Variants in ADRA1B observed in about 807,000 individuals in gnomAD.
ADRA1B encodes the protein adrenoceptor alpha 1B, also known as alpha-1B adrenergic receptor.
A neutral mutation model predicts 17.9 loss-of-function variants in ADRA1B; 17 were observed. The ratio of observed to expected loss-of-function variants is 0.95; its 90% confidence interval spans 0.65 to 1.42. ADRA1B has a LOEUF of 1.42. ADRA1B is among the 40% of genes most tolerant of loss of function. ADRA1B has a pLI of 0.00. For missense variants in ADRA1B, 681 were observed against 722.1 expected (o/e 0.94, Z 0.65); for synonymous variants, 366 against 327.6 (o/e 1.12, Z -1.27).
intron 1 of ADRA1B, among the ~76,000 whole-genome samples, chr5:159,898,233 C>T (rs1278228062): frequency 6.6e-6 from 1 of 152,194 alleles, no homozygotes; most frequent in Non-Finnish European, 1.5e-5. Flanking sequence ...TGCTCTTAAC[C>T]CCTGCTGCCC....
Position 159,877,149 on chromosome 5 carries a change from C to A in ADRA1B, c.-256+11943C>A, listed in dbSNP as rs1180120465. ...TCAGTTCATAAATCAAGGCTTGTTG[C>A]CTGCCCCTTTTCGCCTTCTCAGAGC... On this transcript the variant is annotated intron_variant, in intron 1 of 2. Coordinates refer to the ADRA1B transcript ENST00000641205. 4.6e-5 allele frequency among the ~76,000 whole-genome samples: 7 copies of A among 152,162 alleles called. No individual in the cohort carries two copies. In the East Asian group the frequency reaches 1.3e-3, roughly 29 times the overall value.
At chr5:159,920,574 C>T (rs984085462) in intron 1 of ADRA1B, among the ~76,000 whole-genome samples, 2 of 152,110 alleles carry the variant, frequency 1.3e-5, no homozygotes, top group African/African-American at 2.4e-5. Flanking sequence ...GTCCCTGAGC[C>T]GACCCCATCA....
At chr5:159,958,431 A>G (rs1265446876) in intron 1 of ADRA1B, among the ~76,000 whole-genome samples, 2 of 152,150 alleles carry the variant, frequency 1.3e-5, no homozygotes, top group Non-Finnish European at 2.9e-5. Flanking sequence ...CTTTTTCTGC[A>G]CTTCCTGCCC....
At chr5:159,918,781 C>A (rs572387441) in intron 1 of ADRA1B, among the ~76,000 whole-genome samples, 1 of 152,338 alleles carries the variant, frequency 6.6e-6, no homozygotes, top group East Asian at 1.9e-4. Context: ...TAAAGGGGGG[C>A]ATCTGTCACA....
chr5:159,942,402 A>G (rs1319723059), intron 1 of ADRA1B, among the ~76,000 whole-genome samples: 3 of 152,258 alleles, frequency 2.0e-5, no homozygotes, highest in Non-Finnish European at 4.4e-5. Flanking sequence ...CTAATTGGGA[A>G]ACAACCTAAA....
chr5:159,971,816 G>A (rs1024296979), intron 1 of ADRA1B, 63 bp from the exon 2 acceptor site: 1 of 1,306,570 alleles, frequency 7.7e-7, no homozygotes, highest in Non-Finnish European at 9.8e-7. Flanking sequence ...ATATTGGGGC[G>A]AGAGCTTGAC....
intron 1 of ADRA1B, among the ~76,000 whole-genome samples, chr5:159,919,990 C>T (rs993845828): frequency 1.3e-5 from 2 of 152,140 alleles, no homozygotes; most frequent in Non-Finnish European, 2.9e-5. Context: ...ACCTGGAGAA[C>T]GAGGAGGTTG....
At chr5:159,891,274 T>C (rs374835669) in intron 1 of ADRA1B, among the ~76,000 whole-genome samples, 3 of 152,320 alleles carry the variant, frequency 2.0e-5, no homozygotes, top group East Asian at 3.9e-4. Flanking sequence ...ATCAATAAAC[T>C]CCAAGATGAC....
At chr5:159,947,464 T>C (rs1356858653) in intron 1 of ADRA1B, among the ~76,000 whole-genome samples, 4 of 152,176 alleles carry the variant, frequency 2.6e-5, no homozygotes, top group Non-Finnish European at 5.9e-5. Flanking sequence ...CCAAATCCCA[T>C]GCTTATTTCA....
chr5:159,951,439 C>T (rs62377695), intron 1 of ADRA1B: 18,752 of 755,230 alleles, frequency 0.025, 590 homozygotes, highest in East Asian at 0.14. Context: ...TAAAAGCTGC[C>T]CTGGTGAGCA....
At chr5:159,973,240 C>T (rs1163185455), downstream of ADRA1B, among the ~76,000 whole-genome samples, 1 of 152,232 alleles carries the variant, frequency 6.6e-6, no homozygotes, top group African/African-American at 2.4e-5. Flanking sequence ...AGGGCTGCAC[C>T]AGTCTGGCCC....
At chr5:159,973,552 A>G (rs1159166653), downstream of ADRA1B, among the ~76,000 whole-genome samples, 1 of 152,180 alleles carries the variant, frequency 6.6e-6, no homozygotes, top group Admixed American at 6.5e-5. Flanking sequence ...ACAGAACTCG[A>G]AAAGACATCC....
chr5:159,957,958 G>GA lies in ADRA1B; in HGVS notation c.950-13915dup, dbSNP rs1304905521. Among the ~76,000 whole-genome samples the GA allele has an allele frequency of 8.5e-4, 102 of 120,370 alleles. 1 individual carries two copies. The highest frequency in any genetic ancestry group is 3.3e-3 in the African/African-American group (98 of 29,980). The allele number at this position is 120,370 out of a possible 152,430, so 79.0% of individuals were successfully genotyped here. On this transcript the variant is annotated intron_variant, in intron 1 of 1. Coordinates refer to ENST00000306675, the MANE Select transcript of ADRA1B (RefSeq NM_000679.4). ...AAAAAAAAAAAAAAAAAAAAGAAAA[G>GA]AAAAAAGAAAAGAAAAGAAATATCA... is the stretch of plus-strand genomic sequence containing the variant.
rs950077980 is a variant in ADRA1B at position 159,972,615 on chromosome 5, G to A, written c.*123G>A. 7 of 981,966 alleles carry A rather than the reference G, an allele frequency of 7.1e-6. No individual in the cohort carries two copies. Among genetic ancestry groups the A allele is most frequent in the Non-Finnish European group, 9.5e-6 (7 of 738,456 alleles). The allele number at this position is 981,966 out of a possible 1,614,324, so 60.8% of individuals were successfully genotyped here. The stretch of plus-strand genomic sequence containing the variant: ...GACGCGCGCCCCAAGGGGAACCGGG[G>A]GGAGGGCCGGGGAGAGGGGCAGCTG... On this transcript the variant is annotated 3_prime_UTR_variant, in exon 2 of 2. Coordinates refer to ENST00000306675, the MANE Select transcript of ADRA1B (RefSeq NM_000679.4).
intron 1 of ADRA1B, among the ~76,000 whole-genome samples, chr5:159,901,740 C>A (rs11746691): frequency 6.6e-6 from 1 of 151,924 alleles, no homozygotes; most frequent in East Asian, 1.9e-4. Flanking sequence ...AAATGGCCAA[C>A]AAGCATAAGA....
intron 1 of ADRA1B, among the ~76,000 whole-genome samples, chr5:159,877,924 C>T (rs1242694333): frequency 6.6e-6 from 1 of 152,178 alleles, no homozygotes; most frequent in Non-Finnish European, 1.5e-5. Context: ...TCTTGAAATC[C>T]ACTTCCTGAT....
the ADRA1B span, among the ~76,000 whole-genome samples, chr5:159,981,688 G>A: frequency 6.6e-6 from 1 of 152,098 alleles, no homozygotes; most frequent in Non-Finnish European, 1.5e-5. Context: ...AGTAGAGATG[G>A]GGTTTCACCA....
intron 1 of ADRA1B, among the ~76,000 whole-genome samples, chr5:159,957,929 C>CAAAAAAAAAAAAAAA (rs35956137): frequency 3.3e-4 from 22 of 66,852 alleles, no homozygotes; most frequent in Admixed American, 6.0e-4. Context: ...AACCCCATCT[C>CAAAAAAAAAAAAAAA]AAAAAAAAAA....
chr5:159,939,335 G>GCACA (rs1162106651), intron 1 of ADRA1B, among the ~76,000 whole-genome samples: 2 of 116,500 alleles, frequency 1.7e-5, no homozygotes, highest in African/African-American at 5.5e-5. Context: ...GCGCGCGCGC[G>GCACA]CACACAATGC....
Sources: gnomAD v4.1 joint callset for allele counts (sites outside exome capture counted in the v4.1 genomes callset) on GRCh38, gnomAD v4.1.1 for gene constraint, MANE v1.5 for transcripts, NCBI Gene and HGNC (gene_info 2026-07-23, HGNC 2026-07-21) for gene names.